The following NUFIP2 variants were observed in gnomAD, a reference collection of about 807,000 sequenced individuals.
The protein encoded by NUFIP2 is FMR1-interacting protein NUFIP2.
In NUFIP2, 6 loss-of-function variants were observed where a neutral mutation model predicts 56.9. That is an observed-to-expected ratio of 0.11 (90% CI 0.06 to 0.21). The LOEUF is 0.21. NUFIP2 is among the 10% of genes least tolerant of loss of function. The pLI, the probability that NUFIP2 is intolerant of heterozygous loss-of-function variation, is 1.00. For synonymous variants in NUFIP2, 321 were observed against 298.2 expected (o/e 1.08, Z -0.79); for missense variants, 828 against 826.8 (o/e 1.00, Z -0.02).
At chr17:29,287,894 T>C (rs1317688064) in intron 1 of NUFIP2, among the ~76,000 whole-genome samples, 178 bp from the exon 2 acceptor site, 1 of 152,166 alleles carries the variant, frequency 6.6e-6, no homozygotes, top group East Asian at 1.9e-4. Flanking sequence ...GACTAGGAAA[T>C]GCAACCTACT....
At position 29,257,279 on chromosome 17, in the gene NUFIP2, TAAC is replaced by T. The variant is rs1239978193; in HGVS notation, c.*7257_*7259del. ...GCCAAGTTTCCAAAGATGGTAAAGC[TAAC>T]AACAGCAAAGTAGTAAGGACAAATC... On this transcript the variant is annotated 3_prime_UTR_variant, in exon 4 of 4. Coordinates refer to ENST00000225388, the MANE Select transcript of NUFIP2 (RefSeq NM_020772.3). The T allele has an allele frequency of 6.6e-6, 1 of 152,190 alleles. No individual in the cohort carries two copies. Among genetic ancestry groups the T allele is most frequent in the Non-Finnish European group, 1.5e-5 (1 of 68,024 alleles). The allele number at this position is 152,190 out of a possible 1,614,324, so 9.4% of individuals were successfully genotyped here.
chr17:29,281,686 C>T (rs1736977430), intron 2 of NUFIP2, among the ~76,000 whole-genome samples: 3 of 87,012 alleles, frequency 3.4e-5, no homozygotes, highest in Admixed American at 3.3e-4. Flanking sequence ...GATCCTGTCT[C>T]TTTAAAAAAA....
Position 29,286,479 on chromosome 17 carries a change from A to G in NUFIP2, c.1515T>C (p.Asn505=). ...DQQNLGDIFQ[N]QWGLSFINEP... ...CATTTATAAATGATAAACCCCACTGATTCTGGAAGATATCCCCCAGGTTTT... is the reference window on the plus strand; with the variant it reads ...CATTTATAAATGATAAACCCCACTGGTTCTGGAAGATATCCCCCAGGTTTT... The change falls in exon 2 of 4, where the codon AAT becomes AAC. Residue 505 remains asparagine, a synonymous_variant. Coordinates refer to ENST00000225388, the MANE Select transcript of NUFIP2 (RefSeq NM_020772.3). 6.2e-7 allele frequency: 1 copy of G among 1,614,164 alleles called. No homozygotes were observed. Among genetic ancestry groups the G allele is most frequent in the African/African-American group, 1.3e-5 (1 of 75,042 alleles).
chr17:29,290,984 A>G (rs891843598), intron 1 of NUFIP2, among the ~76,000 whole-genome samples: 2 of 151,520 alleles, frequency 1.3e-5, no homozygotes, highest in Non-Finnish European at 1.5e-5. Context: ...TCACCAAACA[A>G]TGAAAAAACG....
At chr17:29,284,728 GAA>G (rs1189302052) in intron 2 of NUFIP2, among the ~76,000 whole-genome samples, 1 of 111,330 alleles carries the variant, frequency 9.0e-6, no homozygotes, top group Non-Finnish European at 1.9e-5. Context: ...AAAAAAAAAA[GAA>G]AAAAAAGAAA....
intron 2 of NUFIP2, among the ~76,000 whole-genome samples, chr17:29,280,883 G>A (rs2069135582): frequency 1.0e-5 from 1 of 95,776 alleles, no homozygotes; most frequent in African/African-American, 2.7e-5. Flanking sequence ...AGTTACTCGG[G>A]AGGCTGAGGC....
In NUFIP2 at chr17:29,263,140, G is replaced by C. The variant is rs997465168; in HGVS notation, c.*1399C>G. The C allele has an allele frequency of 6.6e-6, 1 of 152,526 alleles. No homozygotes were observed. The highest frequency in any genetic ancestry group is 1.5e-5 in the Non-Finnish European group (1 of 68,016). The allele number at this position is 152,526 out of a possible 1,614,324, so 9.4% of individuals were successfully genotyped here. A position where few individuals can be genotyped will look rare whatever the true frequency, so the allele number is the denominator to read the frequency against. On this transcript the variant is annotated 3_prime_UTR_variant, in exon 4 of 4. Transcript: ENST00000225388. ...TGTGATGTGATGCTGTGTCAGGCCA[G>C]ACAACTTGTTATTATGTTACTAACA...
chr17:29,277,386 A>G (rs2069114206), intron 2 of NUFIP2, among the ~76,000 whole-genome samples: 1 of 152,158 alleles, frequency 6.6e-6, no homozygotes, highest in African/African-American at 2.4e-5. Context: ...ATAACAAATC[A>G]ACATAATGCC....
At chr17:29,293,586 T>C (rs1305154263) in intron 1 of NUFIP2, among the ~76,000 whole-genome samples, 197 bp downstream of exon 1, 1 of 151,992 alleles carries the variant, frequency 6.6e-6, no homozygotes, top group East Asian at 1.9e-4. Context: ...GCCTCTCCCA[T>C]GCTGGAGGGA....
chr17:29,272,994 C>A (rs1467632381), intron 2 of NUFIP2, among the ~76,000 whole-genome samples: 1 of 150,962 alleles, frequency 6.6e-6, no homozygotes, highest in Non-Finnish European at 1.5e-5. Context: ...GGATTACAGG[C>A]ACACGCCACC....
chr17:29,275,553 G>GT (rs2069102726), intron 2 of NUFIP2, among the ~76,000 whole-genome samples: 2 of 152,132 alleles, frequency 1.3e-5, no homozygotes, highest in African/African-American at 4.8e-5. Flanking sequence ...TTAACCAAAG[G>GT]TAAGACACTT....
In NUFIP2 at chr17:29,257,422, T is replaced by C. The variant is rs1260816325; in HGVS notation, c.*7117A>G. On this transcript the variant is annotated 3_prime_UTR_variant, in exon 4 of 4. Coordinates refer to ENST00000225388, the MANE Select transcript of NUFIP2 (RefSeq NM_020772.3). ...TTCGGCAAAATTCGAGTGTGCAAAATGCATTTCTAAAACGTAATGCAAGCA... is the reference window on the plus strand; with the variant it reads ...TTCGGCAAAATTCGAGTGTGCAAAACGCATTTCTAAAACGTAATGCAAGCA... The C allele has an allele frequency of 1.3e-5, 2 of 152,136 alleles. No homozygotes were observed. The highest frequency in any genetic ancestry group is 6.5e-5 in the Admixed American group (1 of 15,276). The allele number at this position is 152,136 out of a possible 1,614,324, so 9.4% of individuals were successfully genotyped here.
chr17:29,275,750 G>A (rs919063279), intron 2 of NUFIP2, among the ~76,000 whole-genome samples: 10 of 152,108 alleles, frequency 6.6e-5, no homozygotes, highest in South Asian at 6.2e-4. Context: ...TCTGACAGCC[G>A]GGTGCAGTGG....
intron 3 of NUFIP2, among the ~76,000 whole-genome samples, chr17:29,265,669 T>C (rs920693820): frequency 1.1e-4 from 16 of 142,610 alleles, no homozygotes; most frequent in African/African-American, 3.9e-4. Flanking sequence ...CACACATATA[T>C]AATTTCTACC....
intron 2 of NUFIP2, among the ~76,000 whole-genome samples, chr17:29,284,613 G>A (rs2069160195): frequency 6.7e-6 from 1 of 149,432 alleles, no homozygotes; most frequent in African/African-American, 2.5e-5. Context: ...GGCTGAGGCA[G>A]GAGAATCACT....
At position 29,260,921 on chromosome 17, in the gene NUFIP2, C is replaced by G. The variant is rs1567673822; in HGVS notation, c.*3618G>C. 4 of 152,112 alleles carry G rather than the reference C, an allele frequency of 2.6e-5. No individual in the cohort carries two copies. Among genetic ancestry groups the G allele is most frequent in the Non-Finnish European group, 5.9e-5 (4 of 67,996 alleles). 9.4% of individuals were successfully genotyped at this position (152,112 alleles called of 1,614,324 possible). A position where few individuals can be genotyped will look rare whatever the true frequency, so the allele number is the denominator to read the frequency against. ...TAAATTCCTAGTTATTGGCTATCCC[C>G]TCCTAGAAAGTAGAGGAGGAAGGGC... On this transcript the variant is annotated 3_prime_UTR_variant, in exon 4 of 4. Transcript: ENST00000225388.
chr17:29,274,378 C>G (rs2069094862), intron 2 of NUFIP2, among the ~76,000 whole-genome samples: 1 of 152,086 alleles, frequency 6.6e-6, no homozygotes, highest in Non-Finnish European at 1.5e-5. Context: ...GAGGCTGAAG[C>G]AAGAGGATTG....
rs1239534173 is a variant in NUFIP2 at position 29,258,689 on chromosome 17, A to G, written c.*5850T>C. On this transcript the variant is annotated 3_prime_UTR_variant, in exon 4 of 4. Coordinates refer to ENST00000225388, the MANE Select transcript of NUFIP2 (RefSeq NM_020772.3). ...GTCCTTCATAGGACAATATCAGCTA[A>G]GAATTAGTTACTTGTATTGATTCCC... The G allele has an allele frequency of 6.6e-6, 1 of 152,218 alleles. No homozygotes were observed. Among genetic ancestry groups the G allele is most frequent in the African/African-American group, 2.4e-5 (1 of 41,438 alleles). The allele number at this position is 152,218 out of a possible 1,614,324, so 9.4% of individuals were successfully genotyped here.
In NUFIP2 at chr17:29,287,136, A is replaced by C; in HGVS notation, c.858T>G (p.Pro286=). 1 of 1,614,186 alleles carries C rather than the reference A, an allele frequency of 6.2e-7. No individual in the cohort carries two copies. Among genetic ancestry groups the C allele is most frequent in the South Asian group, 1.1e-5 (1 of 91,078 alleles). Residue 286 remains proline, a synonymous_variant, in exon 2 of 4, where the codon CCT becomes CCG. Transcript: ENST00000225388. ...CAGGTTTTCCTCGACTTGTTCCTCC[A>C]GGCCCAGTTTCATACTTCCAAATGG... ...SKPIWKYETG[P]GGTSRGKPAV...
Sources: allele counts gnomAD v4.1 joint callset (sites outside exome capture counted in the v4.1 genomes callset), GRCh38; gene constraint gnomAD v4.1.1; transcripts MANE v1.5; gene names NCBI Gene and HGNC (gene_info 2026-07-23, HGNC 2026-07-21).